NBPF12: variants seen among roughly 807,000 people sequenced by gnomAD.
The protein encoded by NBPF12 is NBPF family member NBPF12.
Under a neutral mutation model 146.4 loss-of-function variants are expected in NBPF12, and 115 were observed. That is an observed-to-expected ratio of 0.79 (90% CI 0.68 to 0.92). NBPF12 has a LOEUF of 0.92. Among genes scored for constraint, NBPF12 ranks in the 40% least tolerant of loss-of-function variants. NBPF12 has a pLI of 0.00. For missense variants in NBPF12, 1,205 were observed against 1,326.8 expected (o/e 0.91, Z 1.43); for synonymous variants, 385 against 508.9 (o/e 0.76, Z 3.28).
At chr1:146,966,050 T>C (rs1302283559) in intron 8 of NBPF12, among the ~76,000 whole-genome samples, 4 of 151,736 alleles carry the variant, frequency 2.6e-5, no homozygotes, top group African/African-American at 9.7e-5. Flanking sequence ...GAGGTGGCAG[T>C]GAGCTGAGAT....
chr1:146,976,627 G>T (rs1324433525), intron 16 of NBPF12, among the ~76,000 whole-genome samples: 1 of 150,822 alleles, frequency 6.6e-6, no homozygotes, highest in African/African-American at 2.5e-5. Context: ...ATCAGATCTG[G>T]CAGGATGGGG....
chr1:146,939,889 A>G (rs1194852475), intron 1 of NBPF12, among the ~76,000 whole-genome samples: 1 of 151,700 alleles, frequency 6.6e-6, no homozygotes, highest in Non-Finnish European at 1.5e-5. Flanking sequence ...AGGCTGAGGC[A>G]GGAGACTCGC....
At chr1:146,952,380 GTC>G (rs1655362975) in intron 2 of NBPF12, among the ~76,000 whole-genome samples, 1 of 152,104 alleles carries the variant, frequency 6.6e-6, no homozygotes, top group Non-Finnish European at 1.5e-5. Flanking sequence ...CAGCCTGGCA[GTC>G]TCTGTGTACT....
chr1:146,972,570 T>TTA (rs1559524097), intron 13 of NBPF12, among the ~76,000 whole-genome samples, 181 bp from the exon 17 acceptor site: 4 of 151,590 alleles, frequency 2.6e-5, no homozygotes, highest in Non-Finnish European at 5.9e-5. Flanking sequence ...TCAAGGTGAC[T>TTA]GCATAGCTAA....
At chr1:146,944,907 CCTT>C (rs1654956346), upstream of NBPF12, among the ~76,000 whole-genome samples, 30 of 126,028 alleles carry the variant, frequency 2.4e-4, no homozygotes, top group African/African-American at 9.7e-4. Flanking sequence ...TTTCTTCCTC[CCTT>C]CCTCCCTCCC....
At chr1:146,971,643 A>G (rs1656619895) in intron 13 of NBPF12, among the ~76,000 whole-genome samples, 1 of 149,492 alleles carries the variant, frequency 6.7e-6, no homozygotes, top group African/African-American at 2.5e-5. Flanking sequence ...ACAAAAAATT[A>G]GGCAGTCATG....
chr1:146,989,489 T>A (rs1658011379), intron 27 of NBPF12, 85 bp from the exon 31 acceptor site: 1 of 1,256,282 alleles, frequency 8.0e-7, no homozygotes. Flanking sequence ...TCTAACCACT[T>A]CCTTATGTTA....
chr1:146,950,063 A>G (rs1353435016), intron 1 of NBPF12, among the ~76,000 whole-genome samples: 1 of 152,092 alleles, frequency 6.6e-6, no homozygotes, highest in Non-Finnish European at 1.5e-5. Flanking sequence ...GGCTTTAGAG[A>G]CAAGGGTGTG....
At chr1:146,948,895 G>A (rs1184987586), upstream of NBPF12, among the ~76,000 whole-genome samples, 1 of 151,614 alleles carries the variant, frequency 6.6e-6, no homozygotes, top group African/African-American at 2.4e-5. Flanking sequence ...AACCGCCTTA[G>A]GACTGGAGGT....
rs1328261193 is a variant in NBPF12 at position 146,963,162 on chromosome 1, G to T, written c.346G>T (p.Gly116Trp). 35 of 1,609,284 alleles carry T rather than the reference G, an allele frequency of 2.2e-5. No individual in the cohort carries two copies. The African/African-American group carries it at 4.2e-4, about 19-fold the overall frequency. Residue 116 changes from glycine (G) to tryptophan (W), a missense_variant, in exon 6 of 34, where the codon GGG (glycine) becomes TGG (tryptophan). By Grantham distance (184) the Gly-to-Trp change is radical. Transcript: ENST00000617844. ...CCAGTTAAGGGAGAAGTTACGGGAA[G>T]GGAGAGATGCCTCCCGCTCATTGAA...
intron 19 of NBPF12, among the ~76,000 whole-genome samples, chr1:146,980,032 CTCT>C (rs1286978394): frequency 6.9e-6 from 1 of 144,136 alleles, no homozygotes; most frequent in African/African-American, 2.6e-5. Context: ...GGATAGTTAA[CTCT>C]TCTTGTTGAA....
chr1:146,941,909 A>G (rs1434122966), intron 1 of NBPF12, among the ~76,000 whole-genome samples: 18 of 149,006 alleles, frequency 1.2e-4, no homozygotes, highest in Non-Finnish European at 2.5e-4. Context: ...CCCAGGCTGA[A>G]GTGTGTTGGC....
At chr1:146,954,389 C>CAAAA (rs1170420550) in intron 2 of NBPF12, among the ~76,000 whole-genome samples, 398 of 23,916 alleles carry the variant, frequency 0.017, 2 homozygotes, top group Admixed American at 0.038. Flanking sequence ...GACTCTGTCT[C>CAAAA]AAAAAAAAAA....
At chr1:146,961,690 TA>T (rs1655860598) in intron 4 of NBPF12, among the ~76,000 whole-genome samples, 2 of 152,034 alleles carry the variant, frequency 1.3e-5, no homozygotes, top group South Asian at 2.1e-4. Context: ...AATATTGATT[TA>T]AAAATGAAAT....
At chr1:146,978,253 G>A (rs1258117125) in intron 18 of NBPF12, among the ~76,000 whole-genome samples, 3 of 131,928 alleles carry the variant, frequency 2.3e-5, no homozygotes, top group South Asian at 2.4e-4. Flanking sequence ...TGTTTGTAGC[G>A]TCGTAGATTT....
At chr1:146,963,338 A>C (rs2101851167) in intron 6 of NBPF12, 29 bp downstream of exon 9, 5 of 1,610,698 alleles carry the variant, frequency 3.1e-6, no homozygotes, top group East Asian at 4.5e-5. Flanking sequence ...CTGATGACCC[A>C]AAACCCCAGG....
intron 9 of NBPF12, 25 bp downstream of exon 12, chr1:146,966,698 C>T (rs1263728332): frequency 9.2e-5 from 111 of 1,200,114 alleles, no homozygotes; most frequent in Middle Eastern, 2.7e-4. Flanking sequence ...CTCACCATCA[C>T]GAAAGTGATG....
upstream of NBPF12, among the ~76,000 whole-genome samples, chr1:146,944,467 C>T: frequency 6.8e-6 from 1 of 147,208 alleles, no homozygotes; most frequent in Non-Finnish European, 1.5e-5. Flanking sequence ...GGCTGAGGCC[C>T]CCACCTGCAG....
chr1:146,945,050 TCCTC>T (rs1172265679), upstream of NBPF12, among the ~76,000 whole-genome samples: 3 of 55,146 alleles, frequency 5.4e-5, no homozygotes, highest in Non-Finnish European at 8.0e-5. Flanking sequence ...CTCCCTGCCT[TCCTC>T]CCTCCCTCCC....
Sources: allele counts gnomAD v4.1 joint callset (sites outside exome capture counted in the v4.1 genomes callset), GRCh38; gene constraint gnomAD v4.1.1; transcripts MANE v1.5; gene names NCBI Gene and HGNC (gene_info 2026-07-23, HGNC 2026-07-21).